The following PDE4DIP variants were observed in gnomAD, a reference collection of about 807,000 sequenced individuals.
PDE4DIP encodes the protein myomegalin.
A neutral mutation model predicts 221.4 loss-of-function variants in PDE4DIP; 59 were observed. The ratio of observed to expected loss-of-function variants is 0.27; its 90% CI spans 0.22 to 0.33. The LOEUF is 0.33. PDE4DIP is among the 10% of genes least tolerant of loss of function. PDE4DIP has a pLI of 1.00. For missense variants in PDE4DIP, 1,036 were observed against 2,154.2 expected, an observed-to-expected ratio of 0.48 and a Z score of 10.28; for synonymous variants, 404 against 815.9, an observed-to-expected ratio of 0.50 and a Z score of 8.60.
At chr1:148,948,352 A>G (rs1369903077) in intron 5 of PDE4DIP, among the ~76,000 whole-genome samples, 1 of 152,080 alleles carries the variant, frequency 6.6e-6, no homozygotes, top group African/African-American at 2.4e-5. Context: ...TTTGGTGTAC[A>G]TATGCATATA....
At chr1:148,976,345 C>T (rs1241873699) in intron 17 of PDE4DIP, among the ~76,000 whole-genome samples, 1 of 152,190 alleles carries the variant, frequency 6.6e-6, no homozygotes, top group Non-Finnish European at 1.5e-5. Flanking sequence ...GAGTCAGCTT[C>T]CCTGAGTTCA....
At chr1:148,967,560 A>C (rs2058415829) in intron 12 of PDE4DIP, among the ~76,000 whole-genome samples, 166 bp from the exon 16 acceptor site, 2 of 152,298 alleles carry the variant, frequency 1.3e-5, no homozygotes, top group South Asian at 4.1e-4. Flanking sequence ...AAAGTTTCTA[A>C]AAACCAAAAA....
chr1:148,961,787 G>A (rs782731992), intron 6 of PDE4DIP, 50 bp from the exon 10 acceptor site: 7 of 779,492 alleles, frequency 9.0e-6, no homozygotes, highest in Non-Finnish European at 1.6e-5. Context: ...TTCATTTGAG[G>A]CTAAAAGACA....
intron 16 of PDE4DIP, among the ~76,000 whole-genome samples, chr1:148,973,543 A>G (rs1395120256): frequency 1.3e-5 from 2 of 151,908 alleles, no homozygotes; most frequent in African/African-American, 4.8e-5. Context: ...CCAATTTAAC[A>G]ATATAGGTTC....
intron 21 of PDE4DIP, chr1:148,984,175 T>C (rs1553546748): frequency 6.6e-6 from 1 of 152,058 alleles, no homozygotes; most frequent in East Asian, 1.9e-4. Flanking sequence ...GTTATAACTT[T>C]TTTGAAAAGA....
intron 1 of PDE4DIP, among the ~76,000 whole-genome samples, chr1:148,913,297 AAGG>A (rs1265488524): frequency 1.6e-5 from 2 of 125,608 alleles, no homozygotes; most frequent in Non-Finnish European, 3.5e-5. Context: ...TAGCAACTTG[AAGG>A]AGATGACGAA....
chr1:148,998,020 G>A, intron 22 of PDE4DIP, 123 bp from the exon 26 acceptor site: 1 of 570,684 alleles, frequency 1.8e-6, no homozygotes, highest in Non-Finnish European at 3.1e-6. Flanking sequence ...TGGTTAGGGA[G>A]TTTATTTTAG....
chr1:148,824,183 TTC>T (rs1301143939), intron 1 of PDE4DIP, among the ~76,000 whole-genome samples: 9 of 144,598 alleles, frequency 6.2e-5, no homozygotes, highest in Non-Finnish European at 1.2e-4. Context: ...TTGCCTCAAG[TTC>T]TCTCATGAGG....
intron 27 of PDE4DIP, chr1:149,006,213 G>C (rs1438209328): frequency 2.6e-5 from 4 of 151,978 alleles, no homozygotes; most frequent in Non-Finnish European, 5.9e-5. Context: ...ATTTGCCATA[G>C]TTATAAGTGT....
At chr1:148,929,471 A>G (rs1242060377) in intron 2 of PDE4DIP, 198 bp downstream of exon 5, 2 of 695,020 alleles carry the variant, frequency 2.9e-6, no homozygotes, top group Non-Finnish European at 4.6e-6. Flanking sequence ...GGACCTTGTC[A>G]TAAGTTGGTA....
intron 27 of PDE4DIP, among the ~76,000 whole-genome samples, chr1:149,005,799 G>T (rs587666935): frequency 6.6e-6 from 1 of 151,690 alleles, no homozygotes; most frequent in East Asian, 1.9e-4. Context: ...GATGATAAGA[G>T]AACCCATCTC....
At chr1:148,987,489 G>A in intron 21 of PDE4DIP, among the ~76,000 whole-genome samples, 1 of 152,260 alleles carries the variant, frequency 6.6e-6, no homozygotes, top group Middle Eastern at 3.4e-3. Context: ...AGTGTACCTG[G>A]GAGTCAGAGT....
At chr1:148,821,086 C>T (rs1306370255) in intron 1 of PDE4DIP, among the ~76,000 whole-genome samples, 13 of 149,604 alleles carry the variant, frequency 8.7e-5, no homozygotes, top group Admixed American at 8.0e-4. Flanking sequence ...CTCCTGACCT[C>T]GTGATCCGCC....
chr1:148,961,124 G>T (rs1165136597), intron 6 of PDE4DIP, among the ~76,000 whole-genome samples: 1 of 152,130 alleles, frequency 6.6e-6, no homozygotes, highest in Non-Finnish European at 1.5e-5. Flanking sequence ...GGCCAACATG[G>T]TGAAACCCTG....
Position 149,032,571 on chromosome 1 carries a change from G to C in PDE4DIP, c.*586G>C, listed in dbSNP as rs587726795. The C allele has an allele frequency of 2.2e-3, 542 of 249,164 alleles. 7 individuals carry two copies. Among genetic ancestry groups the C allele is most frequent in the African/African-American group, 9.8e-3 (450 of 45,846 alleles). The allele number at this position is 249,164 out of a possible 1,614,324, so 15.4% of individuals were successfully genotyped here. On this transcript the variant is annotated 3_prime_UTR_variant, in exon 44 of 44. Transcript: ENST00000369354. ...CTGCACTGTAGCACCTGTGTTCTTT[G>C]AGTTCACATCATGAATGTGGTGACT... is the stretch of plus-strand genomic sequence containing the variant.
intron 22 of PDE4DIP, chr1:148,992,299 T>C: frequency 1.3e-6 from 2 of 1,590,018 alleles, no homozygotes; most frequent in Non-Finnish European, 1.7e-6. Context: ...ATGGACACAT[T>C]CCCCTTGGGC....
chr1:148,907,041 C>A (rs1440950839), intron 1 of PDE4DIP, among the ~76,000 whole-genome samples: 72 of 151,536 alleles, frequency 4.8e-4, no homozygotes, highest in Middle Eastern at 6.8e-3. Flanking sequence ...AAGAGTGAAA[C>A]TCCATCTCAA....
chr1:149,023,619 T>C (rs868975892), intron 37 of PDE4DIP, among the ~76,000 whole-genome samples: 4,666 of 124,152 alleles, frequency 0.038, 155 homozygotes, highest in African/African-American at 0.065. Flanking sequence ...TGCACATATA[T>C]ATGTACATGT....
chr1:148,938,877 C>T (rs587755874), intron 5 of PDE4DIP, among the ~76,000 whole-genome samples: 1 of 148,732 alleles, frequency 6.7e-6, no homozygotes, highest in African/African-American at 2.5e-5. Flanking sequence ...CAACCTCTGC[C>T]TCAGCCTCCC....
Sources: gnomAD v4.1 joint callset for allele counts (sites outside exome capture counted in the v4.1 genomes callset) on GRCh38, gnomAD v4.1.1 for gene constraint, MANE v1.5 for transcripts, NCBI Gene and HGNC (gene_info 2026-07-23, HGNC 2026-07-21) for gene names.